The following RRAS2 variants were observed in gnomAD, a reference collection of about 807,000 sequenced individuals.
RRAS2 encodes RAS related 2.
A neutral mutation model predicts 27.6 loss-of-function variants in RRAS2; 7 were observed. The observed-to-expected ratio is 0.25, with a 90% CI of 0.14 to 0.48. RRAS2 has a LOEUF of 0.48. RRAS2 is among the 20% of genes least tolerant of loss of function. The pLI is 0.99. For synonymous variants in RRAS2, 86 were observed against 90.9 expected (o/e 0.95, Z 0.31); for missense variants, 178 against 256.2 (o/e 0.69, Z 2.08).
In RRAS2 at chr11:14,344,814, A is replaced by G. The variant is rs79781701; in HGVS notation, c.108+13949T>C. On this transcript the variant is annotated intron_variant, in intron 1 of 5. Coordinates refer to ENST00000256196, the MANE Select transcript of RRAS2 (RefSeq NM_012250.6). ...AACCGAATGCTACGGATCAACTTCT[A>G]AAACTCAAGATTCAACGTGTATATG... Among the ~76,000 whole-genome samples, 310 of 152,306 alleles carry G rather than the reference A, an allele frequency of 2.0e-3. 2 individuals are homozygous for G. The highest frequency in any genetic ancestry group is 3.6e-3 in the Non-Finnish European group (243 of 68,024).
In RRAS2 at chr11:14,358,392, C is replaced by G. The variant is rs1849128058; in HGVS notation, c.108+371G>C. ...GGCTGGAAAAGCAGCGCGCGGGGCTCCAGCTCCAGCCCCACGCCCGGACCC... is the reference window on the plus strand; with the variant it reads ...GGCTGGAAAAGCAGCGCGCGGGGCTGCAGCTCCAGCCCCACGCCCGGACCC... On this transcript the variant is annotated intron_variant, in intron 1 of 5. Transcript: ENST00000256196. This position sits in a 1 kb window ranked among gnomAD's most constrained non-coding sequence, Gnocchi z 5.1. 2.0e-6 allele frequency: 2 copies of G among 985,324 alleles called. No homozygotes were observed. Among genetic ancestry groups the G allele is most frequent in the South Asian group, 4.7e-5 (1 of 21,284 alleles). The allele number at this position is 985,324 out of a possible 1,614,324, so 61.0% of individuals were successfully genotyped here.
intron 4 of RRAS2, among the ~76,000 whole-genome samples, chr11:14,287,191 G>C (rs147341322): frequency 1.3e-5 from 2 of 152,036 alleles, no homozygotes; most frequent in Non-Finnish European, 2.9e-5. Context: ...AAAATTTTTC[G>C]TTGTGTTTTC....
chr11:14,284,505 G>C (rs1040931610), intron 4 of RRAS2, among the ~76,000 whole-genome samples: 33 of 152,130 alleles, frequency 2.2e-4, no homozygotes, highest in African/African-American at 7.7e-4. Flanking sequence ...ATGTCAATTA[G>C]GATATGTTGT....
intron 1 of RRAS2, chr11:14,308,189 G>C (rs1270696313): frequency 2.6e-6 from 1 of 388,892 alleles, no homozygotes; most frequent in East Asian, 7.6e-5. Context: ...AGATACACAA[G>C]AAACTGATTA....
At chr11:14,317,958 G>A (rs1848147677) in intron 1 of RRAS2, among the ~76,000 whole-genome samples, 1 of 152,130 alleles carries the variant, frequency 6.6e-6, no homozygotes, top group Non-Finnish European at 1.5e-5. Flanking sequence ...GTATGAAGAG[G>A]ACAACTGTAA....
At chr11:14,325,551 G>C (rs1200634776) in intron 1 of RRAS2, among the ~76,000 whole-genome samples, 1 of 152,030 alleles carries the variant, frequency 6.6e-6, no homozygotes, top group East Asian at 1.9e-4. Flanking sequence ...CTCCCGCCTT[G>C]GCCTCCCAAA....
At chr11:14,299,615 C>T (rs782713854) in intron 1 of RRAS2, among the ~76,000 whole-genome samples, 1 of 152,200 alleles carries the variant, frequency 6.6e-6, no homozygotes, top group Non-Finnish European at 1.5e-5. Context: ...TGAAACCCTT[C>T]AGCCAATTGT....
chr11:14,341,518 C>T (rs1189327835), intron 1 of RRAS2, among the ~76,000 whole-genome samples: 10 of 151,806 alleles, frequency 6.6e-5, no homozygotes, highest in African/African-American at 2.4e-4. Flanking sequence ...AAGTTTTATC[C>T]ACAAATTGAA....
intron 4 of RRAS2, among the ~76,000 whole-genome samples, chr11:14,292,826 G>A (rs1172890076): frequency 2.0e-5 from 3 of 151,748 alleles, no homozygotes; most frequent in African/African-American, 7.3e-5. Context: ...CATTTTCTTG[G>A]GCCAGGCATT....
At chr11:14,364,498 A>G (rs1849229123) in exon 1 of RRAS2, 1 of 946,352 alleles carries the variant, frequency 1.1e-6, no homozygotes, top group East Asian at 2.6e-5. Context: ...AGCTGCATGC[A>G]TCTGAGATGA....
chr11:14,344,751 A>C (rs975987061), intron 1 of RRAS2, among the ~76,000 whole-genome samples: 1 of 152,240 alleles, frequency 6.6e-6, no homozygotes, highest in South Asian at 2.1e-4. Flanking sequence ...GACAGAAATT[A>C]AGAAAGGACT....
At chr11:14,281,224 C>CT (rs1199055561) in intron 5 of RRAS2, among the ~76,000 whole-genome samples, 2 of 152,176 alleles carry the variant, frequency 1.3e-5, no homozygotes, top group Admixed American at 1.3e-4. Flanking sequence ...CCCCCATTTT[C>CT]TCCTCTGAAA....
chr11:14,322,493 T>G (rs150677271), intron 1 of RRAS2, among the ~76,000 whole-genome samples: 116 of 152,216 alleles, frequency 7.6e-4, no homozygotes, highest in African/African-American at 2.7e-3. Flanking sequence ...ACATTCCATC[T>G]AGGAAGACAC....
intron 1 of RRAS2, among the ~76,000 whole-genome samples, chr11:14,308,940 A>G (rs1431468584): frequency 6.6e-6 from 1 of 152,244 alleles, no homozygotes; most frequent in East Asian, 1.9e-4. Flanking sequence ...AAAGATGATC[A>G]TAATGATTCT....
chr11:14,328,616 C>T (rs1445242623), intron 1 of RRAS2, among the ~76,000 whole-genome samples: 1 of 151,492 alleles, frequency 6.6e-6, no homozygotes, highest in African/African-American at 2.4e-5. Flanking sequence ...AAAATATATA[C>T]ATGACACAAA....
intron 1 of RRAS2, among the ~76,000 whole-genome samples, chr11:14,301,610 C>T (rs976288277): frequency 3.9e-4 from 59 of 152,304 alleles, no homozygotes; most frequent in African/African-American, 1.4e-3. Flanking sequence ...AATAACTTTG[C>T]TAATCTGCCT....
At chr11:14,341,211 A>C (rs1826708155) in intron 1 of RRAS2, among the ~76,000 whole-genome samples, 2 of 152,234 alleles carry the variant, frequency 1.3e-5, no homozygotes, top group African/African-American at 2.4e-5. Context: ...GAGCAAAAAA[A>C]GTCAACAGCA....
chr11:14,305,164 A>C (rs145986280), intron 1 of RRAS2, among the ~76,000 whole-genome samples: 2 of 151,986 alleles, frequency 1.3e-5, no homozygotes, highest in Non-Finnish European at 2.9e-5. Flanking sequence ...ATTTTCAGCT[A>C]ATATATATGT....
At chr11:14,325,709 GT>G (rs1848339455) in intron 1 of RRAS2, among the ~76,000 whole-genome samples, 1 of 152,162 alleles carries the variant, frequency 6.6e-6, no homozygotes, top group Admixed American at 6.5e-5. Context: ...ATGCTTTTCT[GT>G]TTAAGTCTTT....
Sources: allele counts gnomAD v4.1 joint callset (sites outside exome capture counted in the v4.1 genomes callset), GRCh38; gene constraint gnomAD v4.1.1; non-coding constraint Gnocchi (gnomAD v3.1); transcripts MANE v1.5; gene names NCBI Gene and HGNC (gene_info 2026-07-23, HGNC 2026-07-21).